The following FHIT variants were observed in gnomAD, a reference collection of about 807,000 sequenced individuals.
FHIT encodes the protein bis(5'-adenosyl)-triphosphatase.
In FHIT, 19 loss-of-function variants were observed where a neutral mutation model predicts 17.9. The observed-to-expected ratio is 1.06, with a 90% CI of 0.74 to 1.56. The LOEUF is 1.56. FHIT is among the 40% of genes most tolerant of loss of function. FHIT has a pLI of 0.00. For missense variants in FHIT, 248 were observed against 189.2 expected (o/e 1.31, Z -1.82); for synonymous variants, 81 against 69.7 (o/e 1.16, Z -0.81).
intron 4 of FHIT, among the ~76,000 whole-genome samples, chr3:60,703,241 G>A (rs1384582042): frequency 3.3e-5 from 5 of 152,164 alleles, no homozygotes; most frequent in East Asian, 3.9e-4. Context: ...TAAAAGGTAG[G>A]AAAAGGCAAG....
At chr3:60,087,630 C>T (rs7623993) in intron 5 of FHIT, among the ~76,000 whole-genome samples, 31,784 of 152,054 alleles carry the variant, frequency 0.21, 3,951 homozygotes, top group East Asian at 0.51. Flanking sequence ...CTTTTAAGTT[C>T]GACCTTCCAC....
chr3:59,990,244 T>G (rs1349816768), intron 7 of FHIT, among the ~76,000 whole-genome samples: 2 of 152,034 alleles, frequency 1.3e-5, no homozygotes, highest in Non-Finnish European at 2.9e-5. Flanking sequence ...GTGAGATCTG[T>G]GTTTGCTCAC....
At chr3:60,649,699 C>T (rs944862471) in intron 4 of FHIT, among the ~76,000 whole-genome samples, 4 of 152,062 alleles carry the variant, frequency 2.6e-5, no homozygotes, top group African/African-American at 9.7e-5. Flanking sequence ...AAGCTTATTG[C>T]TGTTGTAGGA....
intron 4 of FHIT, among the ~76,000 whole-genome samples, chr3:60,705,896 CCTT>C (rs2041360698): frequency 6.6e-6 from 1 of 152,162 alleles, no homozygotes; most frequent in Non-Finnish European, 1.5e-5. Context: ...TGAAAATCAT[CCTT>C]CCTTTGAATA....
At chr3:60,379,037 T>C (rs11718018) in intron 5 of FHIT, among the ~76,000 whole-genome samples, 43,474 of 152,170 alleles carry the variant, frequency 0.29, 7,311 homozygotes, top group Non-Finnish European at 0.38. Flanking sequence ...CTGACTTTTG[T>C]CTTTGGTTGC....
At chr3:59,936,124 T>C (rs1160050724) in intron 7 of FHIT, among the ~76,000 whole-genome samples, 4 of 152,098 alleles carry the variant, frequency 2.6e-5, no homozygotes, top group Admixed American at 1.3e-4. Context: ...GGGATATATT[T>C]GTTCTTCAGT....
intron 7 of FHIT, among the ~76,000 whole-genome samples, chr3:59,985,331 G>A (rs1040678007): frequency 6.6e-6 from 1 of 152,070 alleles, no homozygotes; most frequent in Non-Finnish European, 1.5e-5. Context: ...GTAAGGCAGA[G>A]TATTTGCCAA....
chr3:60,518,066 A>T (rs2035225522), intron 5 of FHIT, among the ~76,000 whole-genome samples: 1 of 152,238 alleles, frequency 6.6e-6, no homozygotes, highest in Non-Finnish European at 1.5e-5. Flanking sequence ...TCATTCAAAA[A>T]AAATCACAAG....
chr3:60,389,499 C>G (rs1701141179), intron 5 of FHIT, among the ~76,000 whole-genome samples: 2 of 152,162 alleles, frequency 1.3e-5, no homozygotes, highest in Non-Finnish European at 2.9e-5. Flanking sequence ...TTACAACTAC[C>G]TAACAGCTTC....
chr3:60,127,112 A>G (rs1705587584), intron 5 of FHIT, among the ~76,000 whole-genome samples: 1 of 152,120 alleles, frequency 6.6e-6, no homozygotes, highest in Admixed American at 6.5e-5. Flanking sequence ...CAATCTCCCA[A>G]TTACACAAGC....
At chr3:59,831,867 T>C (rs1165146449) in intron 8 of FHIT, among the ~76,000 whole-genome samples, 2 of 152,114 alleles carry the variant, frequency 1.3e-5, no homozygotes, top group Non-Finnish European at 2.9e-5. Flanking sequence ...TAAAGGGTAT[T>C]GCTCCCCTTT....
At chr3:60,750,322 T>G (rs1459287572) in intron 4 of FHIT, among the ~76,000 whole-genome samples, 1 of 152,088 alleles carries the variant, frequency 6.6e-6, no homozygotes. Flanking sequence ...ATGGAGAAAT[T>G]CAGGAGGGCC....
chr3:60,086,927 C>T (rs1041423828), intron 5 of FHIT, among the ~76,000 whole-genome samples: 2 of 152,182 alleles, frequency 1.3e-5, no homozygotes, highest in Non-Finnish European at 2.9e-5. Flanking sequence ...CCACTAGGAA[C>T]CCTGATAGAG....
chr3:60,059,340 A>G (rs555096830), intron 5 of FHIT, among the ~76,000 whole-genome samples: 1 of 152,218 alleles, frequency 6.6e-6, no homozygotes, highest in East Asian at 1.9e-4. Context: ...CATACATACA[A>G]CTTCTTAAAC....
chr3:59,795,128 G>A (rs1699724848), intron 8 of FHIT, among the ~76,000 whole-genome samples: 1 of 152,194 alleles, frequency 6.6e-6, no homozygotes, highest in Non-Finnish European at 1.5e-5. Context: ...GCTCATGCCT[G>A]TAATCCCAGC....
At chr3:61,110,106 G>A (rs1158369929) in intron 2 of FHIT, among the ~76,000 whole-genome samples, 1 of 151,994 alleles carries the variant, frequency 6.6e-6, no homozygotes, top group Non-Finnish European at 1.5e-5. Context: ...CCCTCCTCTG[G>A]CCAAAAACCT....
intron 2 of FHIT, among the ~76,000 whole-genome samples, chr3:61,146,091 C>T (rs2037219237): frequency 6.6e-6 from 1 of 152,014 alleles, no homozygotes; most frequent in African/African-American, 2.4e-5. Context: ...GATCACTCTC[C>T]ACAGGAAAGG....
At chr3:60,321,708 T>C (rs1306474131) in intron 5 of FHIT, among the ~76,000 whole-genome samples, 6 of 152,144 alleles carry the variant, frequency 3.9e-5, no homozygotes, top group African/African-American at 1.4e-4. Flanking sequence ...ATGCCTTAAA[T>C]TGGGTGATGT....
chr3:59,852,288 C>T (rs757246146), intron 8 of FHIT, among the ~76,000 whole-genome samples: 10 of 152,202 alleles, frequency 6.6e-5, no homozygotes, highest in African/African-American at 2.4e-4. Flanking sequence ...CATCGACAAG[C>T]GGGTGGTGTT....
Sources: gnomAD v4.1 joint callset for allele counts (sites outside exome capture counted in the v4.1 genomes callset) on GRCh38, gnomAD v4.1.1 for gene constraint, MANE v1.5 for transcripts, NCBI Gene and HGNC (gene_info 2026-07-23, HGNC 2026-07-21) for gene names.